PITPNM2: variants seen among roughly 807,000 people sequenced by gnomAD.
PITPNM2 encodes phosphatidylinositol transfer protein membrane associated 2, also known as membrane-associated phosphatidylinositol transfer protein 2.
A neutral mutation model predicts 132.2 loss-of-function variants in PITPNM2; 35 were observed. The ratio of observed to expected loss-of-function variants is 0.26; its 90% CI spans 0.20 to 0.35. The LOEUF (loss-of-function observed/expected upper bound fraction) is 0.35, where lower values mean the gene tolerates loss of function less well. Among genes scored for constraint, PITPNM2 ranks in the 10% least tolerant of loss-of-function variants. The pLI is 1.00. For missense variants in PITPNM2, 1,332 were observed against 1,912.0 expected (o/e 0.70, Z 5.66); for synonymous variants, 738 against 799.2 (o/e 0.92, Z 1.29).
At chr12:123,013,409 T>C (rs970174506) in intron 4 of PITPNM2, among the ~76,000 whole-genome samples, 1 of 152,234 alleles carries the variant, frequency 6.6e-6, no homozygotes, top group African/African-American at 2.4e-5. Context: ...GGGACAACAC[T>C]GTCACAGCAG....
In PITPNM2 at chr12:122,997,472, G is replaced by A. The variant is rs377650274; in HGVS notation, c.1325C>T (p.Pro442Leu). 2.0e-5 allele frequency: 33 copies of A among 1,613,464 alleles called. No individual in the cohort carries two copies. The highest frequency in any genetic ancestry group is 6.7e-5 in the Admixed American group (4 of 60,010). ...GTTAGCATCGCCCTTCTTGGAGCTGGGGTCCCCGGCGCCTGTGTCCAGGAT... is the reference window on the plus strand; with the variant it reads ...GTTAGCATCGCCCTTCTTGGAGCTGAGGTCCCCGGCGCCTGTGTCCAGGAT... Reference protein sequence around the residue: ...GTILDTGAGDPSSKKGDANTI... With the variant: ...GTILDTGAGDLSSKKGDANTI... The change falls in exon 11 of 26, where the codon CCC (proline) becomes CTC (leucine). Residue 442 changes from proline (P) to leucine (L), a missense_variant. Pro to Leu is a moderately conservative substitution (Grantham distance 98). Around this residue, in one of 6 missense-constraint regions of PITPNM2, gnomAD observed 710 missense variants for 911.5 expected, o/e 0.78. Coordinates refer to ENST00000320201, the MANE Select transcript of PITPNM2 (RefSeq NM_020845.3).
intron 20 of PITPNM2, 113 bp downstream of exon 20, chr12:122,988,121 C>G: frequency 2.0e-6 from 2 of 1,004,650 alleles, no homozygotes; most frequent in Non-Finnish European, 3.1e-6. Flanking sequence ...ACCTCATGGC[C>G]TGGGAAGGTA....
At chr12:122,991,682 G>A in intron 16 of PITPNM2, 1 of 1,271,324 alleles carries the variant, frequency 7.9e-7, no homozygotes, top group Non-Finnish European at 9.9e-7. Context: ...GGAGGGCATG[G>A]ATTGGGGGGT....
At chr12:123,093,246 G>A (rs908827056) in intron 2 of PITPNM2, among the ~76,000 whole-genome samples, 2 of 152,276 alleles carry the variant, frequency 1.3e-5, no homozygotes, top group African/African-American at 4.8e-5. Context: ...AACATCCATC[G>A]AGGAGCTCAT....
chr12:123,090,506 C>G (rs1206163034), intron 2 of PITPNM2: 2 of 152,130 alleles, frequency 1.3e-5, no homozygotes, highest in Non-Finnish European at 2.9e-5. Flanking sequence ...ACTACAGGCA[C>G]AGGTGCCAAC....
At chr12:123,135,384 A>AC (rs11313236) in intron 1 of PITPNM2, among the ~76,000 whole-genome samples, 14 of 151,558 alleles carry the variant, frequency 9.2e-5, no homozygotes, top group Non-Finnish European at 1.8e-4. Context: ...GTAACATATG[A>AC]CCCCCCCCCT....
At chr12:123,128,801 T>C (rs1471955534) in intron 1 of PITPNM2, among the ~76,000 whole-genome samples, 3 of 150,320 alleles carry the variant, frequency 2.0e-5, no homozygotes, top group African/African-American at 7.3e-5. Context: ...ATATTCTTTA[T>C]CATGTTGAAA....
rs752888247 is a variant in PITPNM2 at position 122,986,133 on chromosome 12, G to A, written c.3944C>T (p.Ala1315Val). Residue 1315 changes from alanine to valine, a missense_variant, in exon 26 of 26, where the codon GCG (alanine) becomes GTG (valine). By Grantham distance (64) the Ala-to-Val change is moderately conservative. This residue lies in a region of PITPNM2 where 163 missense variants were observed against 177.2 expected (regional missense o/e 0.92). Coordinates refer to ENST00000320201, the MANE Select transcript of PITPNM2 (RefSeq NM_020845.3). Reference sequence around the variant, plus strand: ...GCGCTGGCCCCGCTGCTCGCCATCCGCCTGGCTCTGTGTCCGCTCGTGCCG... The same window carrying A: ...GCGCTGGCCCCGCTGCTCGCCATCCACCTGGCTCTGTGTCCGCTCGTGCCG... ...SHRHERTQSQADGEQRGQRSM... is the reference protein window; with the variant it reads ...SHRHERTQSQVDGEQRGQRSM... 9.9e-6 allele frequency: 15 copies of A among 1,519,732 alleles called. No individual in the cohort carries two copies. Among genetic ancestry groups the A allele is most frequent in the Admixed American group, 4.1e-5 (2 of 48,920 alleles). The allele number at this position is 1,519,732 out of a possible 1,614,324, so 94.1% of individuals were successfully genotyped here. A position where few individuals can be genotyped will look rare whatever the true frequency, so the allele number is the denominator to read the frequency against.
chr12:123,149,220 C>T (rs988484729), intron 1 of PITPNM2, among the ~76,000 whole-genome samples: 2 of 152,204 alleles, frequency 1.3e-5, no homozygotes, highest in Admixed American at 6.5e-5. Context: ...CTGCCTCCCA[C>T]GCCTGAGCAG....
At chr12:123,115,539 C>A (rs1727326) in intron 1 of PITPNM2, among the ~76,000 whole-genome samples, 8 of 151,934 alleles carry the variant, frequency 5.3e-5, no homozygotes, top group African/African-American at 1.5e-4. Flanking sequence ...CAATACGCGC[C>A]CGCACACACA....
chr12:123,084,909 A>G (rs985015627), intron 2 of PITPNM2, among the ~76,000 whole-genome samples: 8 of 152,180 alleles, frequency 5.3e-5, no homozygotes, highest in Non-Finnish European at 1.0e-4. Context: ...AAAAAGTCAT[A>G]ATCTAAGAAG....
chr12:123,115,541 GCACACACACA>G (rs985377436), intron 1 of PITPNM2, among the ~76,000 whole-genome samples: 4 of 151,398 alleles, frequency 2.6e-5, no homozygotes, highest in African/African-American at 4.9e-5. Context: ...ATACGCGCCC[GCACACACACA>G]CGCACACACA....
rs1306988237 is a variant in PITPNM2, at chr12:123,111,393, G to A, written c.-199-905C>T. On this transcript the variant is annotated intron_variant, in intron 1 of 25. Transcript: ENST00000320201. This position sits in a 1 kb window ranked among gnomAD's most constrained non-coding sequence, Gnocchi z 4.1. ...CCAATTCCAGGGCAACCCTGCTTTAGGAGCTGAGGACAGGCATGGTGGGGG... is the reference window on the plus strand; with the variant it reads ...CCAATTCCAGGGCAACCCTGCTTTAAGAGCTGAGGACAGGCATGGTGGGGG... 6.6e-6 allele frequency among the ~76,000 whole-genome samples: 1 copy of A among 152,270 alleles called. No individual in the cohort carries two copies. Among genetic ancestry groups the A allele is most frequent in the East Asian group, 1.9e-4 (1 of 5,200 alleles).
intron 2 of PITPNM2, among the ~76,000 whole-genome samples, chr12:123,061,461 C>A (rs1258874973): frequency 6.6e-6 from 1 of 152,240 alleles, no homozygotes; most frequent in African/African-American, 2.4e-5. Context: ...ACAGCCATAA[C>A]CCTGTCCCAG....
At chr12:122,988,623 G>T in intron 19 of PITPNM2, 101 bp downstream of exon 19, 1 of 1,250,828 alleles carries the variant, frequency 8.0e-7, no homozygotes, top group Non-Finnish European at 1.1e-6. Flanking sequence ...GATCTGATGG[G>T]GTTGGAGAGG....
intron 2 of PITPNM2, chr12:123,087,617 T>C (rs2042149581): frequency 6.6e-6 from 1 of 150,760 alleles, no homozygotes; most frequent in African/African-American, 2.4e-5. Flanking sequence ...ACAGAATTTC[T>C]TTTTTTTCTT....
intron 2 of PITPNM2, among the ~76,000 whole-genome samples, chr12:123,068,665 ACC>A (rs1399090501): frequency 6.8e-6 from 1 of 147,580 alleles, no homozygotes; most frequent in Non-Finnish European, 1.5e-5. Context: ...ACTTTTGGAG[ACC>A]CTCCCATAAT....
At chr12:123,053,650 C>T in intron 2 of PITPNM2, among the ~76,000 whole-genome samples, 1 of 151,472 alleles carries the variant, frequency 6.6e-6, no homozygotes. Flanking sequence ...TCACCAAAAC[C>T]TCCACCTCCT....
chr12:123,005,954 A>C lies in PITPNM2; in HGVS notation c.644-406T>G. 1 of 162,236 alleles carries C rather than the reference A, an allele frequency of 6.2e-6. No homozygotes were observed. Among genetic ancestry groups the C allele is most frequent in the Non-Finnish European group, 1.3e-5 (1 of 74,910 alleles). 10.0% of individuals were successfully genotyped at this position (162,236 alleles called of 1,614,324 possible). On this transcript the variant is annotated intron_variant, in intron 6 of 25. Coordinates refer to ENST00000320201, the MANE Select transcript of PITPNM2 (RefSeq NM_020845.3). This position sits in a 1 kb window ranked among gnomAD's most constrained non-coding sequence, Gnocchi z 6.2. Reference sequence around the variant, plus strand: ...CTCTATAAAAAAAAAAAAAATTAAAAAAAAAAATTAGCTGAGCATGCTGGT... The same window carrying C: ...CTCTATAAAAAAAAAAAAAATTAAACAAAAAAATTAGCTGAGCATGCTGGT...
Sources: gnomAD v4.1 joint callset for allele counts (sites outside exome capture counted in the v4.1 genomes callset) on GRCh38, gnomAD v4.1.1 for gene constraint, gnomAD v4.1.1 regional missense constraint, Gnocchi (gnomAD v3.1) non-coding constraint, MANE v1.5 for transcripts, NCBI Gene and HGNC (gene_info 2026-07-23, HGNC 2026-07-21) for gene names.